The following CYP3A4 variants were observed in gnomAD, a reference collection of about 807,000 sequenced individuals.
The protein encoded by CYP3A4 is cytochrome P450 family 3 subfamily A member 4, also known as cytochrome P450 3A4.
Under a neutral mutation model 54.9 loss-of-function variants are expected in CYP3A4, and 41 were observed. The ratio of observed to expected loss-of-function variants is 0.75; its 90% confidence interval spans 0.58 to 0.97. The LOEUF is 0.97. CYP3A4 is among the 50% of genes least tolerant of loss of function. The probability of loss-of-function intolerance (pLI) is 0.00; values close to 1 mark genes in which losing one functional copy is unlikely to be tolerated. For missense variants in CYP3A4, 510 were observed against 597.3 expected, an observed-to-expected ratio of 0.85 and a Z score of 1.52; for synonymous variants, 179 against 205.2, an observed-to-expected ratio of 0.87 and a Z score of 1.09.
chr7:99,762,899 C>T (rs547656470), intron 10 of CYP3A4, among the ~76,000 whole-genome samples: 48 of 152,300 alleles, frequency 3.2e-4, no homozygotes, highest in African/African-American at 1.0e-3. Context: ...CTGCCACAGC[C>T]GGGCCAGCCC....
chr7:99,770,121 C>T lies in CYP3A4; in HGVS notation c.432+1G>A. 6.2e-7 allele frequency: 1 copy of T among 1,607,492 alleles called. No individual in the cohort carries two copies. The highest frequency in any genetic ancestry group is 8.5e-7 in the Non-Finnish European group (1 of 1,174,152). On this transcript the variant is annotated splice_donor_variant, in intron 5 of 12. Transcript: ENST00000651514. LOFTEE classifies it high-confidence loss of function. The stretch of plus-strand genomic sequence containing the variant: ...TATTAAAACTCATGTTATTTTCATA[C>T]CTCCTTGAGTTTTCCACTGGTGAAG...
intron 4 of CYP3A4, among the ~76,000 whole-genome samples, chr7:99,772,203 A>G (rs978566444): frequency 1.3e-5 from 2 of 152,202 alleles, no homozygotes; most frequent in African/African-American, 4.8e-5. Flanking sequence ...CATCTTGATC[A>G]TGCTGGTCAT....
At position 99,770,200 on chromosome 7, in the gene CYP3A4, G is replaced by A. The variant is rs769525292; in HGVS notation, c.354C>T (p.Ile118=). The A allele has an allele frequency of 1.9e-6, 3 of 1,613,646 alleles. No homozygotes were observed. Among genetic ancestry groups the A allele is most frequent in the Middle Eastern group, 1.6e-4 (1 of 6,076 alleles). ...TCCATTCTTCATCCTCAGCTATAGA[G>A]ATGGCACTTTTCATAAATCCCACTG... ...FGPVGFMKSA[I]SIAEDEEWKR... Residue 118 remains isoleucine, a synonymous_variant, in exon 5 of 13, where the codon ATC becomes ATT. Transcript: ENST00000651514.
rs1265177231 is a variant in CYP3A4 at position 99,760,819 on chromosome 7, C to G, written c.1416G>C (p.Gln472His). ...TTATTTTTATAGAAAATTGACTAAC[C>G]TGTGTTTCTTTACAAGGTTTGAAGG... ...NFSFKPCKET[Q>H]IPLKLSLGGL... is the part of the protein sequence containing the mutation. Residue 472 changes from glutamine (Q) to histidine (H), a missense_variant and splice_region_variant, in exon 12 of 13, where the codon CAG (glutamine) becomes CAC (histidine). This residue lies in a region of CYP3A4 where 238 missense variants were observed against 322.5 expected (regional missense o/e 0.74). Transcript: ENST00000651514. 13 of 1,613,534 alleles carry G rather than the reference C, an allele frequency of 8.1e-6. No homozygotes were observed. Among genetic ancestry groups the G allele is most frequent in the Admixed American group, 1.7e-5 (1 of 59,990 alleles).
In CYP3A4 at chr7:99,763,097, G is replaced by A. The variant is rs367825354; in HGVS notation, c.1026+758C>T. 4.6e-5 allele frequency among the ~76,000 whole-genome samples: 7 copies of A among 152,192 alleles called. No individual in the cohort carries two copies. In the East Asian group the frequency reaches 1.2e-3, roughly 25 times the overall value. On this transcript the variant is annotated intron_variant, in intron 10 of 12. Coordinates refer to ENST00000651514, the MANE Select transcript of CYP3A4 (RefSeq NM_017460.6). ...CTTCTTCACCAGTTACTGCCTGACT[G>A]GAACATGAGATAGGTGTGGGGAGAG... is the stretch of plus-strand genomic sequence containing the variant.
At chr7:99,765,623 T>C (rs1485618432) in intron 9 of CYP3A4, among the ~76,000 whole-genome samples, 1 of 152,120 alleles carries the variant, frequency 6.6e-6, no homozygotes, top group Non-Finnish European at 1.5e-5. Context: ...CTAGAACCAA[T>C]AGTTAAATAT....
intron 1 of CYP3A4, among the ~76,000 whole-genome samples, chr7:99,783,606 C>CTTTTTT (rs11432957): frequency 1.3e-4 from 13 of 103,840 alleles, no homozygotes; most frequent in Non-Finnish European, 2.2e-4. Flanking sequence ...CCTTGAACAT[C>CTTTTTT]TTTTTTTTTT....
chr7:99,777,142 T>G (rs1815790399), intron 3 of CYP3A4, among the ~76,000 whole-genome samples: 1 of 151,992 alleles, frequency 6.6e-6, no homozygotes, highest in Non-Finnish European at 1.5e-5. Context: ...AATGAAAGAG[T>G]TTTGGCTTTT....
At chr7:99,772,916 G>A (rs919490311) in intron 3 of CYP3A4, among the ~76,000 whole-genome samples, 3 of 152,104 alleles carry the variant, frequency 2.0e-5, no homozygotes, top group Non-Finnish European at 2.9e-5. Context: ...ACAAGGAAGA[G>A]ACATTGAAAG....
At chr7:99,765,512 CTAGATAGATACA>C (rs374184006) in intron 9 of CYP3A4, among the ~76,000 whole-genome samples, 81 of 151,892 alleles carry the variant, frequency 5.3e-4, no homozygotes, top group African/African-American at 1.6e-3. Context: ...AGATACATAG[CTAGATAGATACA>C]TAGATAGATA....
chr7:99,761,857 C>A (rs1815341010), intron 11 of CYP3A4, among the ~76,000 whole-genome samples, 184 bp downstream of exon 11: 1 of 152,028 alleles, frequency 6.6e-6, no homozygotes, highest in Non-Finnish European at 1.5e-5. Flanking sequence ...CTGTAGTTTT[C>A]TTTTTTCTAG....
intron 12 of CYP3A4, among the ~76,000 whole-genome samples, chr7:99,760,087 G>A (rs560480555): frequency 2.2e-4 from 34 of 152,108 alleles, no homozygotes; most frequent in Middle Eastern, 3.4e-3. Context: ...CGCCTGCTTC[G>A]GCCTCCCAAA....
chr7:99,767,347 C>T, intron 7 of CYP3A4, 89 bp from the exon 8 acceptor site: 2 of 1,188,910 alleles, frequency 1.7e-6, no homozygotes, highest in Non-Finnish European at 2.3e-6. Flanking sequence ...TCTCTACCAA[C>T]CAGAAGAGTA....
At chr7:99,765,559 T>G (rs763290386) in intron 9 of CYP3A4, among the ~76,000 whole-genome samples, 8 of 152,186 alleles carry the variant, frequency 5.3e-5, no homozygotes, top group Non-Finnish European at 1.2e-4. Flanking sequence ...CAAAAGTGGA[T>G]GTAGACATGG....
At chr7:99,766,890 A>G (rs943620820) in intron 8 of CYP3A4, 3 of 403,760 alleles carry the variant, frequency 7.4e-6, no homozygotes, top group Admixed American at 4.2e-5. Context: ...ATGCCGTGGC[A>G]TACTAATTGT....
At chr7:99,769,109 TA>T (rs1030917050) in intron 6 of CYP3A4, among the ~76,000 whole-genome samples, 28 of 151,704 alleles carry the variant, frequency 1.8e-4, no homozygotes, top group African/African-American at 4.6e-4. Flanking sequence ...ATGTCCTGGT[TA>T]AAAAAAAATC....
intron 4 of CYP3A4, 100 bp from the exon 5 acceptor site, chr7:99,770,335 T>A: frequency 2.6e-6 from 3 of 1,137,032 alleles, no homozygotes; most frequent in South Asian, 1.3e-5. Context: ...AACAACTATT[T>A]AGTGACTGTC....
In CYP3A4 at chr7:99,768,452, A is replaced by G. The variant is rs139541290; in HGVS notation, c.572T>C (p.Val191Ala). 6.2e-7 allele frequency: 1 copy of G among 1,613,878 alleles called. No individual in the cohort carries two copies. Among genetic ancestry groups the G allele is most frequent in the Non-Finnish European group, 8.5e-7 (1 of 1,179,952 alleles). The change falls in exon 7 of 13, where the codon GTG (valine) becomes GCG (alanine). Residue 191 changes from valine (V) to alanine (A), a missense_variant. By Grantham distance (64) the Val-to-Ala change is moderately conservative. Coordinates refer to ENST00000651514, the MANE Select transcript of CYP3A4 (RefSeq NM_017460.6). Reference sequence around the variant, plus strand: ...TGGATTGTTGAGAGAGTCGATGTTCACTCCAAATGATGTGCTAGTGATCAC... The same window carrying G: ...TGGATTGTTGAGAGAGTCGATGTTCGCTCCAAATGATGTGCTAGTGATCAC... Reference protein sequence around the residue: ...MDVITSTSFGVNIDSLNNPQD... With the variant: ...MDVITSTSFGANIDSLNNPQD...
chr7:99,782,831 A>G (rs1322043254), intron 1 of CYP3A4, among the ~76,000 whole-genome samples: 1 of 152,206 alleles, frequency 6.6e-6, no homozygotes, highest in Non-Finnish European at 1.5e-5. Context: ...TTGGGAAGGT[A>G]TATTTTAAAA....
Sources: gnomAD v4.1 joint callset for allele counts (sites outside exome capture counted in the v4.1 genomes callset) on GRCh38, gnomAD v4.1.1 for gene constraint, gnomAD v4.1.1 regional missense constraint, MANE v1.5 for transcripts, NCBI Gene and HGNC (gene_info 2026-07-23, HGNC 2026-07-21) for gene names.